Variants in PASD1 observed in about 807,000 individuals in gnomAD.
PASD1 encodes the protein PAS domain containing repressor 1, also known as circadian clock protein PASD1.
A neutral mutation model predicts 58.8 loss-of-function variants in PASD1; 13 were observed. The ratio of observed to expected loss-of-function variants is 0.22; its 90% CI spans 0.14 to 0.35. PASD1 has a LOEUF of 0.35. Ranked by LOEUF, PASD1 falls within the 10% of genes least tolerant of loss-of-function variation. PASD1 has a pLI of 1.00. For synonymous variants in PASD1, 236 were observed against 216.7 expected, an observed-to-expected ratio of 1.09 and a Z score of -0.78; for missense variants, 734 against 568.3, an observed-to-expected ratio of 1.29 and a Z score of -2.96.
intron 7 of PASD1, among the ~76,000 whole-genome samples, chrX:151,624,119 G>A (rs1247978788): frequency 1.8e-5 from 2 of 111,973 alleles, no homozygotes; most frequent in Non-Finnish European, 3.8e-5. Context: ...GAATACCTAA[G>A]TGAAAGATGA....
At chrX:151,577,716 C>T (rs1336351633) in intron 1 of PASD1, among the ~76,000 whole-genome samples, 1 of 111,078 alleles carries the variant, frequency 9.0e-6, no homozygotes, top group Non-Finnish European at 1.9e-5. Flanking sequence ...TTAGTAGAGA[C>T]GGGGTTTCAC....
chrX:151,624,028 A>T (rs2013752912), intron 7 of PASD1, among the ~76,000 whole-genome samples: 1 of 111,689 alleles, frequency 9.0e-6, no homozygotes, highest in African/African-American at 3.3e-5. Context: ...CAGGAAGGTG[A>T]CATGATCTGA....
intron 9 of PASD1, among the ~76,000 whole-genome samples, chrX:151,656,465 C>T (rs2014243214): frequency 1.8e-5 from 2 of 111,734 alleles, no homozygotes; most frequent in Non-Finnish European, 3.8e-5. Flanking sequence ...GCCATTTTCA[C>T]AATATTGATT....
intron 9 of PASD1, among the ~76,000 whole-genome samples, chrX:151,652,211 A>G (rs1259917292): frequency 8.9e-6 from 1 of 111,769 alleles, no homozygotes; most frequent in Non-Finnish European, 1.9e-5. Flanking sequence ...AGATGAAAAT[A>G]TTAAATAAAG....
intron 8 of PASD1, among the ~76,000 whole-genome samples, chrX:151,634,662 A>T (rs955512737): frequency 9.0e-6 from 1 of 111,686 alleles, no homozygotes; most frequent in Non-Finnish European, 1.9e-5. Context: ...GGTTTGTCTG[A>T]TGTGTCTTCT....
intron 1 of PASD1, among the ~76,000 whole-genome samples, chrX:151,591,777 G>T (rs1205095988): frequency 9.0e-6 from 1 of 111,274 alleles, no homozygotes; most frequent in East Asian, 2.8e-4. Context: ...TGTGTGCTCT[G>T]TGTGAAGCTG....
chrX:151,596,755 C>CT (rs201356181), intron 1 of PASD1, among the ~76,000 whole-genome samples: 5 of 111,622 alleles, frequency 4.5e-5, no homozygotes, highest in South Asian at 7.5e-4. Flanking sequence ...TGCAACCACT[C>CT]TTTTTTTTCC....
intron 1 of PASD1, among the ~76,000 whole-genome samples, chrX:151,584,164 A>C (rs192027805): frequency 2.7e-4 from 30 of 111,449 alleles, no homozygotes; most frequent in African/African-American, 9.8e-4. Context: ...CTAGCCTTTG[A>C]AATACAGATT....
At chrX:151,600,117 A>T (rs936981793) in intron 1 of PASD1, among the ~76,000 whole-genome samples, 1 of 111,785 alleles carries the variant, frequency 8.9e-6, no homozygotes, top group Non-Finnish European at 1.9e-5. Context: ...TACGAAAACC[A>T]GTCAGGCGTG....
At chrX:151,602,631 G>A (rs1264171552) in intron 2 of PASD1, among the ~76,000 whole-genome samples, 1 of 110,726 alleles carries the variant, frequency 9.0e-6, no homozygotes, top group Non-Finnish European at 1.9e-5. Context: ...GGAAGGCGGA[G>A]GTTGTAGTGA....
chrX:151,634,297 T>TTG (rs1649417432), intron 8 of PASD1, among the ~76,000 whole-genome samples: 1 of 110,735 alleles, frequency 9.0e-6, no homozygotes, highest in Admixed American at 9.7e-5. Flanking sequence ...GATAGATATT[T>TTG]TGTGTGTGTG....
intron 8 of PASD1, among the ~76,000 whole-genome samples, chrX:151,634,069 A>G (rs2013899717): frequency 8.9e-6 from 1 of 111,846 alleles, no homozygotes; most frequent in South Asian, 3.7e-4. Context: ...ATCTTGAGAC[A>G]TTCTTTTGCT....
chrX:151,636,378 T>C (rs1422844611), intron 8 of PASD1, among the ~76,000 whole-genome samples: 1 of 112,155 alleles, frequency 8.9e-6, no homozygotes, highest in East Asian at 2.8e-4. Context: ...AGTCTTTCTG[T>C]GGATATGTAT....
intron 1 of PASD1, among the ~76,000 whole-genome samples, chrX:151,599,302 C>T (rs1306359430): frequency 1.1e-4 from 12 of 112,404 alleles, no homozygotes; most frequent in Admixed American, 6.5e-4. Context: ...AAACCGCCAT[C>T]GTCATCATGG....
At chrX:151,673,811 C>G (rs1222583725) in intron 14 of PASD1, 117 bp from the exon 15 acceptor site, 5 of 869,354 alleles carry the variant, frequency 5.8e-6, no homozygotes, top group Non-Finnish European at 6.6e-6. Flanking sequence ...CAAGTGAATC[C>G]TGTGGTGTAG....
chrX:151,613,881 G>A (rs1474312239), intron 4 of PASD1, among the ~76,000 whole-genome samples: 2 of 111,534 alleles, frequency 1.8e-5, no homozygotes, highest in East Asian at 5.6e-4. Context: ...CTGAGAAGTC[G>A]AAGATTAAGG....
At chrX:151,643,177 C>T (rs1385524137) in intron 8 of PASD1, among the ~76,000 whole-genome samples, 1 of 112,020 alleles carries the variant, frequency 8.9e-6, no homozygotes, top group Non-Finnish European at 1.9e-5. Context: ...TCATTCAGTC[C>T]ATTTGTCTCC....
At position 151,671,573 on chromosome X, in the gene PASD1, A is replaced by G; in HGVS notation, c.1231A>G (p.Lys411Glu). 1.7e-6 allele frequency: 2 copies of G among 1,209,838 alleles called. No homozygotes were observed. The highest frequency in any genetic ancestry group is 2.2e-6 in the Non-Finnish European group (2 of 894,614). The change falls in exon 13 of 16, where the codon AAG (lysine) becomes GAG (glutamate). Residue 411 changes from lysine to glutamate, a missense_variant and splice_region_variant. Physicochemically the swap from Lys to Glu is moderately conservative, Grantham distance 56. Coordinates refer to ENST00000370357, the MANE Select transcript of PASD1 (RefSeq NM_173493.3). ...CCTTTGTGATACTGTGTCCTTACAG[A>G]AGCAGCCAAACACATTACGCCACGT... ...ALELMMDHLQ[K>E]QPNTLRHVVI...
At chrX:151,600,943 T>G (rs948238801) in intron 1 of PASD1, among the ~76,000 whole-genome samples, 2 of 112,511 alleles carry the variant, frequency 1.8e-5, no homozygotes, top group Non-Finnish European at 3.8e-5. Flanking sequence ...ACATCTACCT[T>G]GAGGCTTTGG....
Sources: gnomAD v4.1 joint callset for allele counts (sites outside exome capture counted in the v4.1 genomes callset) on GRCh38, gnomAD v4.1.1 for gene constraint, MANE v1.5 for transcripts, NCBI Gene and HGNC (gene_info 2026-07-23, HGNC 2026-07-21) for gene names.